GSK3B: variants seen among roughly 807,000 people sequenced by gnomAD.
GSK3B encodes glycogen synthase kinase-3 beta.
In GSK3B, 15 loss-of-function variants were observed where a neutral mutation model predicts 56.4. The ratio of observed to expected loss-of-function variants is 0.27; its 90% CI spans 0.18 to 0.41. The LOEUF is 0.41. Among genes scored for constraint, GSK3B ranks in the 10% least tolerant of loss-of-function variants. The probability of loss-of-function intolerance (pLI) is 1.00; values close to 1 mark genes in which losing one functional copy is unlikely to be tolerated. For missense variants in GSK3B, 300 were observed against 513.4 expected, an observed-to-expected ratio of 0.58 and a Z score of 4.02; for synonymous variants, 181 against 188.9, an observed-to-expected ratio of 0.96 and a Z score of 0.34.
chr3:119,913,078 G>C (rs1421679308), intron 5 of GSK3B, among the ~76,000 whole-genome samples: 1 of 152,090 alleles, frequency 6.6e-6, no homozygotes, highest in Non-Finnish European at 1.5e-5. Context: ...GATAAGTGTT[G>C]AATTTCTTCT....
chr3:119,925,356 C>T (rs1344338664), intron 3 of GSK3B, among the ~76,000 whole-genome samples: 1 of 152,130 alleles, frequency 6.6e-6, no homozygotes, highest in African/African-American at 2.4e-5. Flanking sequence ...AATAATTATA[C>T]ACTTTCCTGG....
intron 1 of GSK3B, among the ~76,000 whole-genome samples, chr3:120,052,785 G>A (rs2058161091): frequency 6.6e-6 from 1 of 151,854 alleles, no homozygotes; most frequent in Non-Finnish European, 1.5e-5. Context: ...CCTGGAGGCA[G>A]GGAGAAAATA....
At chr3:119,968,977 T>C (rs979194641) in intron 2 of GSK3B, among the ~76,000 whole-genome samples, 1 of 152,036 alleles carries the variant, frequency 6.6e-6, no homozygotes, top group East Asian at 1.9e-4. Flanking sequence ...TAGGTATAAA[T>C]CTAACAAAAT....
chr3:119,834,527 T>C (rs2108002353), intron 10 of GSK3B, among the ~76,000 whole-genome samples: 1 of 152,288 alleles, frequency 6.6e-6, no homozygotes, highest in African/African-American at 2.4e-5. Context: ...TGCTGGCAGC[T>C]GAGAGGTCTC....
At chr3:119,906,589 C>T (rs1035079217) in intron 6 of GSK3B, among the ~76,000 whole-genome samples, 4 of 152,040 alleles carry the variant, frequency 2.6e-5, no homozygotes, top group Non-Finnish European at 5.9e-5. Flanking sequence ...TTATTAGTAA[C>T]ACCTCTTTCT....
chr3:119,896,810 ATC>A (rs1439183898), intron 7 of GSK3B, among the ~76,000 whole-genome samples: 1 of 152,256 alleles, frequency 6.6e-6, no homozygotes, highest in African/African-American at 2.4e-5. Context: ...TCCCTGTCCC[ATC>A]TCTCACCTGC....
At chr3:119,901,897 GCTTAAA>G (rs1236154571) in intron 7 of GSK3B, among the ~76,000 whole-genome samples, 2 of 151,590 alleles carry the variant, frequency 1.3e-5, no homozygotes, top group Admixed American at 1.3e-4. Flanking sequence ...TCTTTTTTTT[GCTTAAA>G]CTTAAATTCA....
chr3:119,945,498 A>G (rs1004493264), intron 3 of GSK3B, among the ~76,000 whole-genome samples: 4 of 152,192 alleles, frequency 2.6e-5, no homozygotes, highest in African/African-American at 7.2e-5. Context: ...GGGCATACAG[A>G]TAAGAGGCAG....
chr3:119,915,935 A>G (rs2056775879), intron 5 of GSK3B, 109 bp downstream of exon 5: 2 of 719,310 alleles, frequency 2.8e-6, no homozygotes, highest in South Asian at 2.1e-5. Flanking sequence ...TACTTCTTGA[A>G]TAAGAATTAC....
intron 1 of GSK3B, among the ~76,000 whole-genome samples, chr3:120,068,932 C>A (rs1318382356): frequency 6.6e-6 from 1 of 151,476 alleles, no homozygotes; most frequent in Non-Finnish European, 1.5e-5. Context: ...TTTGGGAGTA[C>A]CAGGTTCCCT....
chr3:120,027,277 T>C (rs1467757414), intron 1 of GSK3B, among the ~76,000 whole-genome samples: 1 of 150,722 alleles, frequency 6.6e-6, no homozygotes, highest in Non-Finnish European at 1.5e-5. Context: ...CTCAGGAGGC[T>C]GAGGCAGGAG....
intron 2 of GSK3B, among the ~76,000 whole-genome samples, chr3:119,998,406 TCCTTCAGACAAA>T (rs1036176419): frequency 6.6e-6 from 1 of 152,196 alleles, no homozygotes; most frequent in Admixed American, 6.5e-5. Context: ...AGATATTTCC[TCCTTCAGACAAA>T]CCTTCAGATG....
At chr3:120,000,112 A>G (rs1166124322) in intron 2 of GSK3B, among the ~76,000 whole-genome samples, 1 of 152,232 alleles carries the variant, frequency 6.6e-6, no homozygotes, top group Non-Finnish European at 1.5e-5. Context: ...AGAAAGAAAA[A>G]GAAGAGACAC....
chr3:119,948,093 A>C (rs2107492742), intron 2 of GSK3B, among the ~76,000 whole-genome samples: 1 of 152,346 alleles, frequency 6.6e-6, no homozygotes, highest in East Asian at 1.9e-4. Context: ...GTCCAACAAT[A>C]TACTTGACTG....
chr3:119,864,192 T>C (rs1429647630), intron 8 of GSK3B, among the ~76,000 whole-genome samples: 1 of 152,188 alleles, frequency 6.6e-6, no homozygotes, highest in Non-Finnish European at 1.5e-5. Context: ...CAAGTAGGTG[T>C]TACCATGAAT....
chr3:119,827,585 T>G (rs1239941160), intron 10 of GSK3B, among the ~76,000 whole-genome samples: 1 of 42,108 alleles, frequency 2.4e-5, no homozygotes, highest in Non-Finnish European at 4.5e-5. Flanking sequence ...ATACCGTCTT[T>G]AAAAAAAAAA....
chr3:120,083,938 CAG>C (rs1291534574), intron 1 of GSK3B, among the ~76,000 whole-genome samples: 1 of 152,142 alleles, frequency 6.6e-6, no homozygotes, highest in Non-Finnish European at 1.5e-5. Context: ...TCTATAAAGA[CAG>C]AGAGTAAATT....
At chr3:119,842,569 T>G (rs1318120281) in intron 10 of GSK3B, among the ~76,000 whole-genome samples, 6 of 152,186 alleles carry the variant, frequency 3.9e-5, no homozygotes, top group Non-Finnish European at 8.8e-5. Flanking sequence ...AAACATCTCA[T>G]TTGATTTGAT....
chr3:119,922,212 A>G (rs866326348), intron 4 of GSK3B, among the ~76,000 whole-genome samples: 2 of 113,850 alleles, frequency 1.8e-5, no homozygotes, highest in African/African-American at 3.7e-5. Context: ...GAAGGAGGGA[A>G]GGAAGGAAGG....
Sources: allele counts gnomAD v4.1 joint callset (sites outside exome capture counted in the v4.1 genomes callset), GRCh38; gene constraint gnomAD v4.1.1; transcripts MANE v1.5; gene names NCBI Gene and HGNC (gene_info 2026-07-23, HGNC 2026-07-21).